ITGA2: variants seen among roughly 807,000 people sequenced by gnomAD.
The protein encoded by ITGA2 is integrin subunit alpha 2.
ITGA2 carries 101 observed loss-of-function variants against 146.3 expected under a neutral mutation model. That is an observed-to-expected ratio of 0.69 (90% confidence interval 0.59 to 0.81). The LOEUF is 0.81. Among genes scored for constraint, ITGA2 ranks in the 40% least tolerant of loss-of-function variants. ITGA2 has a pLI of 0.00. For missense variants in ITGA2, 1,281 were observed against 1,402.7 expected, an observed-to-expected ratio of 0.91 and a Z score of 1.39; for synonymous variants, 477 against 487.1, an observed-to-expected ratio of 0.98 and a Z score of 0.27.
chr5:52,989,656 C>T, intron 1 of ITGA2, 124 bp downstream of exon 1: 1 of 1,055,262 alleles, frequency 9.5e-7, no homozygotes, highest in Non-Finnish European at 1.5e-6. Context: ...TCCACGTGGA[C>T]TCGGGCTCCC....
At chr5:52,996,570 A>G (rs1579771610) in intron 1 of ITGA2, among the ~76,000 whole-genome samples, 1 of 152,192 alleles carries the variant, frequency 6.6e-6, no homozygotes, top group Non-Finnish European at 1.5e-5. Context: ...AAGCAGAGGT[A>G]TGGAAAAAGG....
At chr5:53,070,644 G>A (rs920647550) in intron 17 of ITGA2, among the ~76,000 whole-genome samples, 2 of 151,790 alleles carry the variant, frequency 1.3e-5, no homozygotes, top group African/African-American at 4.8e-5. Context: ...AACTCCAATT[G>A]TGGTTTCTAC....
chr5:53,051,985 C>T (rs1049912580), intron 7 of ITGA2, among the ~76,000 whole-genome samples: 22 of 152,178 alleles, frequency 1.4e-4, no homozygotes, highest in African/African-American at 5.1e-4. Flanking sequence ...ATGCTTATTA[C>T]AATCAGTGGG....
intron 4 of ITGA2, 127 bp from the exon 5 acceptor site, chr5:53,048,236 G>C (rs1744186404): frequency 5.2e-6 from 4 of 769,682 alleles, no homozygotes; most frequent in Non-Finnish European, 9.1e-6. Context: ...CTGACTCATT[G>C]GTTTTGAGTT....
At chr5:53,014,689 A>T (rs1040097060) in intron 1 of ITGA2, among the ~76,000 whole-genome samples, 1 of 151,986 alleles carries the variant, frequency 6.6e-6, no homozygotes, top group Non-Finnish European at 1.5e-5. Flanking sequence ...GCTCTTCTTT[A>T]TACATCTGGT....
Position 53,062,862 on chromosome 5 carries a change from G to A in ITGA2, c.1535G>A (p.Gly512Asp). The change falls in exon 13 of 30, where the codon GGT (glycine) becomes GAT (aspartate). Residue 512 changes from glycine (G) to aspartate (D), a missense_variant. Physicochemically the swap from Gly to Asp is moderately conservative, Grantham distance 94. This residue lies in a region of ITGA2 where 795 missense variants were observed against 841.7 expected (regional missense o/e 0.94). Coordinates refer to ENST00000296585, the MANE Select transcript of ITGA2 (RefSeq NM_002203.4). ...KDTITDVLLV[G>D]APMYMSDLKK... ...ACCATTACAGACGTGCTCTTGGTAG[G>A]TGCACCAATGTACATGAGTGACCTA... 1 of 1,611,576 alleles carries A rather than the reference G, an allele frequency of 6.2e-7. No individual in the cohort carries two copies. Among genetic ancestry groups the A allele is most frequent in the East Asian group, 2.2e-5 (1 of 44,750 alleles).
intron 9 of ITGA2, among the ~76,000 whole-genome samples, chr5:53,056,678 A>G (rs1250081626): frequency 1.3e-5 from 2 of 152,012 alleles, no homozygotes; most frequent in African/African-American, 4.8e-5. Flanking sequence ...AAGATTTTTA[A>G]TAGTTCAGTT....
At chr5:52,995,116 G>T (rs1741172045) in intron 1 of ITGA2, among the ~76,000 whole-genome samples, 1 of 152,192 alleles carries the variant, frequency 6.6e-6, no homozygotes, top group Non-Finnish European at 1.5e-5. Flanking sequence ...AAAACAGAAG[G>T]TCCTTATGCC....
intron 1 of ITGA2, among the ~76,000 whole-genome samples, chr5:52,995,213 G>A (rs940577121): frequency 9.2e-5 from 14 of 152,196 alleles, no homozygotes; most frequent in Admixed American, 7.2e-4. Flanking sequence ...TCATGATATA[G>A]AGCAGGGGTT....
chr5:53,080,611 A>G lies in ITGA2; in HGVS notation c.3029A>G (p.Gln1010Arg), dbSNP rs1358438179. The stretch of plus-strand genomic sequence containing the variant: ...CCACTGATGTACCTAACTGGGGTGC[A>G]AACAGACAAGGTAAAGATTAAAAAA... The part of the protein sequence containing the change: ...KNPLMYLTGV[Q>R]TDKAGDISCN... The change falls in exon 25 of 30, where the codon CAA (glutamine) becomes CGA (arginine). Residue 1010 changes from glutamine to arginine, a missense_variant. Coordinates refer to ENST00000296585, the MANE Select transcript of ITGA2 (RefSeq NM_002203.4). 4 of 1,611,574 alleles carry G rather than the reference A, an allele frequency of 2.5e-6. No homozygotes were observed. The highest frequency in any genetic ancestry group is 2.7e-5 in the African/African-American group (2 of 74,842).
chr5:53,034,052 G>T (rs1167639077), intron 2 of ITGA2, among the ~76,000 whole-genome samples: 1 of 152,038 alleles, frequency 6.6e-6, no homozygotes, highest in East Asian at 1.9e-4. Context: ...GTGAGCCACC[G>T]AGCCTGGCCC....
In ITGA2 at chr5:53,074,444, T is replaced by G; in HGVS notation, c.2631T>G (p.Asp877Glu). Residue 877 changes from aspartate to glutamate, a missense_variant, in exon 21 of 30, where the codon GAT becomes GAG. Asp to Glu is a conservative substitution (Grantham distance 45, BLOSUM62 2). Around this residue, in one of 3 missense-constraint regions of ITGA2, gnomAD observed 475 missense variants for 530.5 expected, o/e 0.90. Transcript: ENST00000296585. ...CATCTCAGAAGTCTGTTGCCTGCGA[T>G]GTAGGCTACCCTGCTTTAAAGAGAG... ...VAASQKSVAC[D>E]VGYPALKREQ... The G allele has an allele frequency of 6.2e-7, 1 of 1,612,352 alleles. No individual in the cohort carries two copies. The highest frequency in any genetic ancestry group is 8.5e-7 in the Non-Finnish European group (1 of 1,178,870).
chr5:52,998,887 T>A (rs1380684647), intron 1 of ITGA2, among the ~76,000 whole-genome samples: 1 of 152,256 alleles, frequency 6.6e-6, no homozygotes. Context: ...CTGAAAAATT[T>A]CTACTTCTTT....
rs75645884 is a variant in ITGA2 at position 53,076,620 on chromosome 5, C to T, written c.2825+1316C>T. On this transcript the variant is annotated intron_variant, in intron 23 of 29. Coordinates refer to ENST00000296585, the MANE Select transcript of ITGA2 (RefSeq NM_002203.4). ...AATTTTTTCCTTCTTATATTTGATC[C>T]TTTCTTCTAAATATTTTTTGTCAAT... is the stretch of plus-strand genomic sequence containing the variant. Among the ~76,000 whole-genome samples, 225 of 152,110 alleles carry T rather than the reference C, an allele frequency of 1.5e-3. 1 individual carries two copies. In the South Asian group the frequency reaches 0.027, roughly 18 times the overall value.
At position 53,056,026 on chromosome 5, in the gene ITGA2, T is replaced by G. The variant is rs2111943271; in HGVS notation, c.973T>G (p.Leu325Val). 1 of 1,609,286 alleles carries G rather than the reference T, an allele frequency of 6.2e-7. No homozygotes were observed. The highest frequency in any genetic ancestry group is 2.2e-5 in the East Asian group (1 of 44,686). Reference sequence around the variant, plus strand: ...CAGAAACGCCCTTGATACTAAAAATTTAATAAAAGAAATAAAAGCAATCGC... The same window carrying G: ...CAGAAACGCCCTTGATACTAAAAATGTAATAAAAGAAATAAAAGCAATCGC... ...LNRNALDTKN[L>V]IKEIKAIASI... Residue 325 changes from leucine (L) to valine (V), a missense_variant, in exon 9 of 30, where the codon TTA becomes GTA. Coordinates refer to ENST00000296585, the MANE Select transcript of ITGA2 (RefSeq NM_002203.4).
At position 53,090,492 on chromosome 5, in the gene ITGA2, A is replaced by G; in HGVS notation, c.3466-27A>G. On this transcript the variant is annotated intron_variant, in intron 29 of 29. Coordinates refer to ENST00000296585, the MANE Select transcript of ITGA2 (RefSeq NM_002203.4). ...CCTTACAAAATAAGCCACGGGTGGT[A>G]ACATTCTTATATCATCACCTTTACA... The G allele has an allele frequency of 1.9e-6, 3 of 1,604,396 alleles. No individual in the cohort carries two copies. In the South Asian group the frequency reaches 3.3e-5, roughly 18 times the overall value.
At chr5:53,090,413 A>G (rs745732305) in intron 29 of ITGA2, 106 bp from the exon 30 acceptor site, 27 of 890,062 alleles carry the variant, frequency 3.0e-5, no homozygotes, top group Non-Finnish European at 4.7e-5. Flanking sequence ...TCAGAGCCTC[A>G]GGGATTCCCA....
chr5:53,036,046 TTC>T (rs1361333897), intron 2 of ITGA2, among the ~76,000 whole-genome samples: 1 of 141,876 alleles, frequency 7.0e-6, no homozygotes, highest in Non-Finnish European at 1.6e-5. Flanking sequence ...TTGACTCGTA[TTC>T]ATTCATTCAT....
At chr5:53,044,407 A>G (rs1579843577) in intron 3 of ITGA2, among the ~76,000 whole-genome samples, 1 of 151,962 alleles carries the variant, frequency 6.6e-6, no homozygotes, top group African/African-American at 2.4e-5. Flanking sequence ...GATGAGAAAC[A>G]TGACTGAATG....
Sources: allele counts gnomAD v4.1 joint callset (sites outside exome capture counted in the v4.1 genomes callset), GRCh38; gene constraint gnomAD v4.1.1; regional missense constraint gnomAD v4.1.1; transcripts MANE v1.5; gene names NCBI Gene and HGNC (gene_info 2026-07-23, HGNC 2026-07-21).